Variants in DAB1 observed in about 807,000 individuals in gnomAD.
DAB1 encodes the protein disabled homolog 1.
Under a neutral mutation model 64.6 loss-of-function variants are expected in DAB1, and 15 were observed. The ratio of observed to expected loss-of-function variants is 0.23; its 90% CI spans 0.16 to 0.36. The LOEUF is 0.36. DAB1 is among the 10% of genes least tolerant of loss of function. DAB1 has a pLI of 1.00. For synonymous variants in DAB1, 235 were observed against 251.9 expected (o/e 0.93, Z 0.64); for missense variants, 596 against 706.7 (o/e 0.84, Z 1.78).
intron 3 of DAB1, among the ~76,000 whole-genome samples, chr1:58,472,110 G>A (rs1207545963): frequency 6.6e-6 from 1 of 152,134 alleles, no homozygotes; most frequent in Non-Finnish European, 1.5e-5. Context: ...GGGTCCCTCT[G>A]ATCATCTCTT....
chr1:57,602,793 G>A (rs994470208), intron 7 of DAB1, among the ~76,000 whole-genome samples: 3 of 152,132 alleles, frequency 2.0e-5, no homozygotes, highest in Non-Finnish European at 2.9e-5. Context: ...TGTGTGTGGA[G>A]GGGAGTGGGG....
intron 3 of DAB1, among the ~76,000 whole-genome samples, chr1:58,480,036 CT>C (rs1421398214): frequency 1.3e-5 from 2 of 152,078 alleles, no homozygotes; most frequent in Non-Finnish European, 2.9e-5. Context: ...CATCACTAGA[CT>C]TCACTAGTTT....
intron 5 of DAB1, among the ~76,000 whole-genome samples, chr1:57,994,311 G>GCA (rs1646393143): frequency 1.3e-5 from 2 of 152,200 alleles, no homozygotes; most frequent in African/African-American, 4.8e-5. Flanking sequence ...AAAGAGGAAA[G>GCA]AATCTGAGAT....
At chr1:57,979,102 A>G (rs1399114450) in intron 5 of DAB1, among the ~76,000 whole-genome samples, 1 of 152,216 alleles carries the variant, frequency 6.6e-6, no homozygotes, top group Non-Finnish European at 1.5e-5. Context: ...TACTGTAAAG[A>G]CACATGCACA....
At chr1:57,055,377 C>T (rs1275498052) in intron 9 of DAB1, among the ~76,000 whole-genome samples, 1 of 152,056 alleles carries the variant, frequency 6.6e-6, no homozygotes, top group East Asian at 1.9e-4. Flanking sequence ...GAAAAGCATC[C>T]AAATGTGTTA....
chr1:57,590,816 A>G (rs1243594993), intron 7 of DAB1, among the ~76,000 whole-genome samples: 1 of 151,180 alleles, frequency 6.6e-6, no homozygotes, highest in African/African-American at 2.4e-5. Flanking sequence ...ATGACCAACA[A>G]TTTCACTTCT....
At chr1:57,404,108 A>G (rs1000193854) in intron 1 of DAB1, among the ~76,000 whole-genome samples, 3 of 152,260 alleles carry the variant, frequency 2.0e-5, no homozygotes, top group Non-Finnish European at 4.4e-5. Flanking sequence ...TGTTAAAAAA[A>G]AATTAACAAT....
intron 4 of DAB1, among the ~76,000 whole-genome samples, chr1:57,094,479 C>G (rs571132888): frequency 5.1e-4 from 77 of 152,088 alleles, no homozygotes; most frequent in Non-Finnish European, 9.3e-4. Context: ...GACCATCTAC[C>G]GAGGTAAGAG....
At chr1:58,367,928 T>C (rs74662355) in intron 3 of DAB1, among the ~76,000 whole-genome samples, 4,884 of 152,234 alleles carry the variant, frequency 0.032, 253 homozygotes, top group African/African-American at 0.11. Context: ...CCTTTCAGTG[T>C]TGGGGTGCTG....
intron 7 of DAB1, among the ~76,000 whole-genome samples, chr1:57,461,786 C>T (rs1686787841): frequency 6.6e-6 from 1 of 152,102 alleles, no homozygotes; most frequent in Non-Finnish European, 1.5e-5. Flanking sequence ...TGTTAGGTTT[C>T]TATCTTCCTC....
At chr1:57,923,222 G>A (rs149408375) in intron 5 of DAB1, among the ~76,000 whole-genome samples, 203 of 152,130 alleles carry the variant, frequency 1.3e-3, no homozygotes, top group African/African-American at 4.6e-3. Context: ...ATTTCCTGCC[G>A]ATATCAAATA....
intron 3 of DAB1, among the ~76,000 whole-genome samples, chr1:58,354,650 A>G (rs1042674956): frequency 6.6e-6 from 1 of 152,136 alleles, no homozygotes; most frequent in East Asian, 1.9e-4. Context: ...ATAATCTAGG[A>G]GGACACAGAG....
chr1:58,206,172 G>A (rs1287192917), intron 4 of DAB1, among the ~76,000 whole-genome samples: 1 of 152,122 alleles, frequency 6.6e-6, no homozygotes, highest in Non-Finnish European at 1.5e-5. Context: ...AAGGAGACAT[G>A]AGACATCAAC....
chr1:58,268,966 C>T (rs6681454), intron 4 of DAB1, among the ~76,000 whole-genome samples: 144,100 of 152,116 alleles, frequency 0.95, 68,259 homozygotes, highest in East Asian at 0.98. Context: ...TTCACATATA[C>T]ATTCAAATGA....
chr1:58,246,359 A>G (rs1280831788), intron 4 of DAB1, among the ~76,000 whole-genome samples: 2 of 152,218 alleles, frequency 1.3e-5, no homozygotes, highest in Non-Finnish European at 2.9e-5. Context: ...CAGCACTTCA[A>G]GAGGGGCGTT....
At chr1:57,131,749 A>G (rs1248005229) in intron 4 of DAB1, among the ~76,000 whole-genome samples, 1 of 152,168 alleles carries the variant, frequency 6.6e-6, no homozygotes, top group Non-Finnish European at 1.5e-5. Context: ...ACAATTATCT[A>G]TCTATTTTGA....
At position 57,452,166 on chromosome 1, in the gene DAB1, C is replaced by CTTT. The variant is rs78592207; in HGVS notation, n.626-161003_626-161001dup. ...GATTTAGTCTCTCTCTGCACCCCCC[C>CTTT]TTTTTTTTTTTTTTTTTTTTTGACA... On this transcript the variant is annotated intron_variant and non_coding_transcript_variant, in intron 7 of 20. Transcript: ENST00000485760. 4.5e-3 allele frequency among the ~76,000 whole-genome samples: 334 copies of CTTT among 75,004 alleles called. 5 individuals are homozygous for CTTT. The highest frequency in any genetic ancestry group is 0.02 in the Middle Eastern group (2 of 102). 49.2% of individuals were successfully genotyped at this position (75,004 alleles called of 152,430 possible).
intron 5 of DAB1, among the ~76,000 whole-genome samples, chr1:58,029,407 G>A (rs572779852): frequency 1.3e-5 from 2 of 152,238 alleles, no homozygotes; most frequent in Admixed American, 6.5e-5. Context: ...GCCACCCAGG[G>A]CCACAAAAAA....
At chr1:58,065,619 G>A (rs910237270) in intron 5 of DAB1, among the ~76,000 whole-genome samples, 1 of 152,178 alleles carries the variant, frequency 6.6e-6, no homozygotes, top group African/African-American at 2.4e-5. Flanking sequence ...CCCTCCCAGC[G>A]GAGAGTGCGC....
Sources: gnomAD v4.1 joint callset for allele counts (sites outside exome capture counted in the v4.1 genomes callset) on GRCh38, gnomAD v4.1.1 for gene constraint, MANE v1.5 for transcripts, NCBI Gene and HGNC (gene_info 2026-07-23, HGNC 2026-07-21) for gene names.